Variants in HS6ST3 observed in about 807,000 individuals in gnomAD.
HS6ST3 encodes the protein heparan sulfate 6-O-sulfotransferase 3, also known as heparan-sulfate 6-O-sulfotransferase 3.
HS6ST3 carries 12 observed loss-of-function variants against 36.7 expected under a neutral mutation model. The observed-to-expected ratio is 0.33, with a 90% confidence interval of 0.21 to 0.53. The LOEUF (loss-of-function observed/expected upper bound fraction) is 0.53. HS6ST3 is among the 20% of genes least tolerant of loss of function. The probability of loss-of-function intolerance (pLI) is 0.95; values close to 1 mark genes in which losing one functional copy is unlikely to be tolerated. For missense variants in HS6ST3, 584 were observed against 640.9 expected, an observed-to-expected ratio of 0.91 and a Z score of 0.96; for synonymous variants, 240 against 257.5, an observed-to-expected ratio of 0.93 and a Z score of 0.65.
At chr13:96,245,327 GA>G (rs2054579641) in intron 1 of HS6ST3, among the ~76,000 whole-genome samples, 1 of 152,202 alleles carries the variant, frequency 6.6e-6, no homozygotes, top group African/African-American at 2.4e-5. Flanking sequence ...GTGAGTTACA[GA>G]AGAGTACAAG....
intron 1 of HS6ST3, among the ~76,000 whole-genome samples, chr13:96,224,127 A>G (rs1310813652): frequency 1.3e-5 from 2 of 151,936 alleles, no homozygotes; most frequent in Non-Finnish European, 2.9e-5. Flanking sequence ...CATGTTACCT[A>G]TGGGTTTTCG....
At chr13:96,718,525 C>CA (rs1240972019) in intron 1 of HS6ST3, among the ~76,000 whole-genome samples, 1 of 152,116 alleles carries the variant, frequency 6.6e-6, no homozygotes, top group Non-Finnish European at 1.5e-5. Flanking sequence ...CTGTAACTAC[C>CA]AATTTCTAAT....
In HS6ST3 at chr13:96,090,660, C is replaced by G. The variant is rs1302382424; in HGVS notation, c.-203C>G. The stretch of plus-strand genomic sequence containing the variant: ...CAGCCGAGCGCGCCGGCGCCCGCCT[C>G]CCCCGCCCGGCTCGCAGGCCCCGGC... On this transcript the variant is annotated 5_prime_UTR_variant, in exon 1 of 2. Transcript: ENST00000376705. 6.8e-6 allele frequency among the ~76,000 whole-genome samples: 1 copy of G among 146,880 alleles called. No individual in the cohort carries two copies. Among genetic ancestry groups the G allele is most frequent in the Non-Finnish European group, 1.5e-5 (1 of 66,102 alleles).
intron 1 of HS6ST3, among the ~76,000 whole-genome samples, chr13:96,476,702 G>C (rs1030913813): frequency 6.6e-6 from 1 of 152,084 alleles, no homozygotes; most frequent in Non-Finnish European, 1.5e-5. Flanking sequence ...TCTTGTGAAC[G>C]TCGCTTGTGT....
intron 1 of HS6ST3, among the ~76,000 whole-genome samples, chr13:96,306,604 C>G (rs2054915218): frequency 6.6e-6 from 1 of 152,162 alleles, no homozygotes; most frequent in African/African-American, 2.4e-5. Flanking sequence ...CTCATAAGTT[C>G]TTTATCCTTT....
chr13:96,474,930 A>G (rs2055856375), intron 1 of HS6ST3, among the ~76,000 whole-genome samples: 1 of 152,212 alleles, frequency 6.6e-6, no homozygotes, highest in Non-Finnish European at 1.5e-5. Context: ...CTGAGAGGAG[A>G]ACTCAAAACC....
intron 1 of HS6ST3, among the ~76,000 whole-genome samples, chr13:96,489,553 G>C (rs930912317): frequency 5.9e-5 from 9 of 151,718 alleles, no homozygotes; most frequent in Non-Finnish European, 8.8e-5. Context: ...ATTTTTTCAT[G>C]TTTTCTTTAA....
chr13:96,328,812 GGACTCTTTTTGGTTGGTAAACTAT>G (rs986732682), intron 1 of HS6ST3, among the ~76,000 whole-genome samples: 5 of 152,042 alleles, frequency 3.3e-5, no homozygotes, highest in African/African-American at 7.3e-5. Flanking sequence ...ATCTGGTCCT[GGACTCTTTTTGGTTGGTAAACTAT>G]TGATTATTGC....
intron 1 of HS6ST3, among the ~76,000 whole-genome samples, chr13:96,101,177 A>C (rs1002851829): frequency 4.6e-5 from 7 of 152,150 alleles, no homozygotes; most frequent in African/African-American, 1.7e-4. Context: ...ACATTTTATA[A>C]ATTTGAAGTT....
intron 1 of HS6ST3, among the ~76,000 whole-genome samples, chr13:96,777,943 C>T (rs1482795048): frequency 1.3e-5 from 2 of 152,224 alleles, no homozygotes; most frequent in African/African-American, 2.4e-5. Flanking sequence ...GCGACAGTAA[C>T]CAAAACAGCA....
At chr13:96,457,656 A>G (rs1330440531) in intron 1 of HS6ST3, among the ~76,000 whole-genome samples, 2 of 152,096 alleles carry the variant, frequency 1.3e-5, no homozygotes, top group Non-Finnish European at 2.9e-5. Context: ...CAAAACACAT[A>G]CAGATGGGCA....
At chr13:96,160,813 A>G (rs1293876159) in intron 1 of HS6ST3, among the ~76,000 whole-genome samples, 2 of 152,224 alleles carry the variant, frequency 1.3e-5, no homozygotes, top group African/African-American at 4.8e-5. Flanking sequence ...CACTACAGGA[A>G]AGTAAATGCA....
At chr13:96,345,270 C>A (rs543963917) in intron 1 of HS6ST3, among the ~76,000 whole-genome samples, 1 of 152,304 alleles carries the variant, frequency 6.6e-6, no homozygotes, top group South Asian at 2.1e-4. Flanking sequence ...AAACAAAATA[C>A]AGCCTCTAGC....
intron 1 of HS6ST3, among the ~76,000 whole-genome samples, chr13:96,121,568 G>A (rs1353112175): frequency 6.6e-6 from 1 of 152,226 alleles, no homozygotes; most frequent in Non-Finnish European, 1.5e-5. Context: ...CTAATAGCCC[G>A]AACCAGTTCA....
intron 1 of HS6ST3, among the ~76,000 whole-genome samples, chr13:96,247,798 T>G (rs547347650): frequency 6.6e-6 from 1 of 152,182 alleles, no homozygotes; most frequent in South Asian, 2.1e-4. Context: ...GGCTCTTTTT[T>G]GTTAACCTGG....
intron 1 of HS6ST3, among the ~76,000 whole-genome samples, chr13:96,252,988 T>C (rs1028352627): frequency 3.9e-5 from 6 of 152,146 alleles, no homozygotes; most frequent in Non-Finnish European, 8.8e-5. Flanking sequence ...CAGTCTCAGG[T>C]ATTTCTTTAT....
At chr13:96,680,608 A>G (rs1282078582) in intron 1 of HS6ST3, among the ~76,000 whole-genome samples, 1 of 152,070 alleles carries the variant, frequency 6.6e-6, no homozygotes, top group Admixed American at 6.6e-5. Context: ...AAGTTTCGAA[A>G]CCATCATACT....
intron 1 of HS6ST3, among the ~76,000 whole-genome samples, chr13:96,497,689 G>A (rs988519564): frequency 2.0e-5 from 3 of 152,066 alleles, no homozygotes; most frequent in African/African-American, 7.2e-5. Flanking sequence ...GTTTCCCATT[G>A]CCCCTAGGTT....
chr13:96,578,751 C>T (rs1229819101), intron 1 of HS6ST3, among the ~76,000 whole-genome samples: 2 of 151,966 alleles, frequency 1.3e-5, no homozygotes, highest in South Asian at 2.1e-4. Context: ...GTAGAGATGG[C>T]GTTTCACTAT....
Sources: allele counts gnomAD v4.1 joint callset (sites outside exome capture counted in the v4.1 genomes callset), GRCh38; gene constraint gnomAD v4.1.1; transcripts MANE v1.5; gene names NCBI Gene and HGNC (gene_info 2026-07-23, HGNC 2026-07-21).